Variants in SOX6 observed in about 807,000 individuals in gnomAD.
SOX6 encodes transcription factor SOX-6.
SOX6 carries 11 observed loss-of-function variants against 97.8 expected under a neutral mutation model. The observed-to-expected ratio is 0.11, with a 90% CI of 0.07 to 0.19. The LOEUF (loss-of-function observed/expected upper bound fraction) is 0.19. Among genes scored for constraint, SOX6 ranks in the 10% least tolerant of loss-of-function variants. SOX6 has a pLI of 1.00. For synonymous variants in SOX6, 360 were observed against 371.4 expected, an observed-to-expected ratio of 0.97 and a Z score of 0.35; for missense variants, 810 against 1,039.5, an observed-to-expected ratio of 0.78 and a Z score of 3.04.
intron 4 of SOX6, among the ~76,000 whole-genome samples, chr11:16,206,646 G>C (rs933767905): frequency 2.0e-5 from 3 of 152,120 alleles, no homozygotes; most frequent in Admixed American, 6.5e-5. Flanking sequence ...ACTTAGAACA[G>C]TTGCCTTCAC....
intron 2 of SOX6, among the ~76,000 whole-genome samples, chr11:16,725,484 G>GTGA (rs1381980170): frequency 6.6e-6 from 1 of 151,964 alleles, no homozygotes; most frequent in Non-Finnish European, 1.5e-5. Context: ...GAGTGACAGA[G>GTGA]TGAGACCCTG....
rs117651710 is a variant in SOX6 at position 16,364,800 on chromosome 11, A to G, written c.-4-23548T>C. Among the ~76,000 whole-genome samples, 1,344 of 152,252 alleles carry G rather than the reference A, an allele frequency of 8.8e-3. 5 individuals carry two copies. Among genetic ancestry groups the G allele is most frequent in the Non-Finnish European group, 0.013 (900 of 67,998 alleles). On this transcript the variant is annotated intron_variant, in intron 1 of 15. Coordinates refer to the SOX6 transcript ENST00000396356. ...TAGAAAAGGGCAGAGGCAGTGTGACATAGCAGGAATATCAAAACTTTGGAG... is the reference window on the plus strand; with the variant it reads ...TAGAAAAGGGCAGAGGCAGTGTGACGTAGCAGGAATATCAAAACTTTGGAG...
At chr11:16,251,991 T>TAA (rs35498021) in intron 3 of SOX6, among the ~76,000 whole-genome samples, 73 of 150,678 alleles carry the variant, frequency 4.8e-4, no homozygotes, top group South Asian at 2.1e-3. Context: ...AATTTTCTTT[T>TAA]AAAAAAAAAG....
At chr11:15,989,824 C>G (rs757575767) in intron 13 of SOX6, among the ~76,000 whole-genome samples, 6 of 152,136 alleles carry the variant, frequency 3.9e-5, no homozygotes, top group Non-Finnish European at 5.9e-5. Context: ...GTAAATAAAA[C>G]AGCTCCTGCT....
At chr11:16,307,897 T>A (rs1371489345) in intron 3 of SOX6, among the ~76,000 whole-genome samples, 1 of 152,170 alleles carries the variant, frequency 6.6e-6, no homozygotes, top group African/African-American at 2.4e-5. Flanking sequence ...GAATCCACAG[T>A]CTTCTAATTT....
intron 4 of SOX6, among the ~76,000 whole-genome samples, chr11:16,526,869 T>C (rs1227168327): frequency 6.6e-6 from 1 of 152,098 alleles, no homozygotes; most frequent in Non-Finnish European, 1.5e-5. Context: ...TACAGTCCTC[T>C]TAATTCTATA....
intron 4 of SOX6, among the ~76,000 whole-genome samples, chr11:16,549,141 A>G (rs1365731805): frequency 1.3e-5 from 2 of 152,200 alleles, no homozygotes. Context: ...AATGAGATAC[A>G]GTACTAATAG....
At chr11:16,280,140 T>G (rs1315733374) in intron 3 of SOX6, among the ~76,000 whole-genome samples, 3 of 152,098 alleles carry the variant, frequency 2.0e-5, no homozygotes, top group Non-Finnish European at 4.4e-5. Context: ...ATGTATATGT[T>G]TTCAGTGTAT....
intron 12 of SOX6, among the ~76,000 whole-genome samples, chr11:16,040,813 G>A (rs1855641245): frequency 6.6e-6 from 1 of 152,058 alleles, no homozygotes; most frequent in Non-Finnish European, 1.5e-5. Context: ...AACAAGGACA[G>A]TAATACCGAC....
chr11:16,094,762 A>G (rs1015244746), intron 9 of SOX6, among the ~76,000 whole-genome samples: 1 of 151,890 alleles, frequency 6.6e-6, no homozygotes, highest in Admixed American at 6.6e-5. Flanking sequence ...TATAGAAGGC[A>G]GGAGATATTC....
At chr11:16,215,408 T>C (rs1343891734) in intron 4 of SOX6, among the ~76,000 whole-genome samples, 1 of 152,208 alleles carries the variant, frequency 6.6e-6, no homozygotes, top group Non-Finnish European at 1.5e-5. Flanking sequence ...GTTATTAAAG[T>C]TCTATTCATG....
chr11:16,181,767 T>C (rs1565003248), intron 6 of SOX6, among the ~76,000 whole-genome samples: 2 of 151,732 alleles, frequency 1.3e-5, no homozygotes, highest in African/African-American at 2.4e-5. Flanking sequence ...ACAGGTCTTA[T>C]TGCTTTCTCT....
At chr11:16,669,766 T>A (rs1262357639) in intron 3 of SOX6, among the ~76,000 whole-genome samples, 3 of 152,128 alleles carry the variant, frequency 2.0e-5, no homozygotes, top group Admixed American at 6.5e-5. Flanking sequence ...TCCATGCAGA[T>A]CCCAGTCCTC....
chr11:16,006,523 C>G (rs1424439016), intron 13 of SOX6, among the ~76,000 whole-genome samples: 1 of 152,052 alleles, frequency 6.6e-6, no homozygotes, highest in Admixed American at 6.6e-5. Context: ...GAAGGTCTAT[C>G]TGCTTAATGT....
chr11:16,528,099 A>G (rs1243020570), intron 4 of SOX6, among the ~76,000 whole-genome samples: 1 of 152,116 alleles, frequency 6.6e-6, no homozygotes. Flanking sequence ...GTTTGCAGGT[A>G]CATCCCACGT....
At chr11:16,426,786 C>T (rs373133680) in intron 1 of SOX6, among the ~76,000 whole-genome samples, 38 of 149,968 alleles carry the variant, frequency 2.5e-4, no homozygotes, top group South Asian at 6.4e-4. Flanking sequence ...TAGTGGCGGG[C>T]GCCTGTAGTC....
In SOX6 at chr11:16,501,510, A is replaced by G. The variant is rs1324938607; in HGVS notation, n.610-25122T>C. Among the ~76,000 whole-genome samples the G allele has an allele frequency of 1.2e-3, 186 of 151,750 alleles. 1 individual carries two copies. The highest frequency in any genetic ancestry group is 4.4e-3 in the African/African-American group (180 of 41,016). The stretch of plus-strand genomic sequence containing the variant: ...CTGCACAGCAAAAGAAATTATCATC[A>G]GAGTGAACAGGCAACCTACAGAATG... On this transcript the variant is annotated intron_variant and non_coding_transcript_variant, in intron 4 of 5. Transcript: ENST00000524520.
intron 4 of SOX6, among the ~76,000 whole-genome samples, chr11:16,498,209 G>A (rs1182836319): frequency 6.6e-6 from 1 of 152,138 alleles, no homozygotes. Context: ...TTCATATCCA[G>A]CCAAACTAAG....
intron 4 of SOX6, among the ~76,000 whole-genome samples, chr11:16,580,948 A>T (rs1848027436): frequency 6.6e-6 from 1 of 152,140 alleles, no homozygotes; most frequent in Non-Finnish European, 1.5e-5. Flanking sequence ...AAGAAACAAT[A>T]GATGCTGGCA....
Sources: allele counts gnomAD v4.1 joint callset (sites outside exome capture counted in the v4.1 genomes callset), GRCh38; gene constraint gnomAD v4.1.1; transcripts MANE v1.5; gene names NCBI Gene and HGNC (gene_info 2026-07-23, HGNC 2026-07-21).